Variants in LYPD4 observed in about 807,000 individuals in gnomAD.
The protein encoded by LYPD4 is ly6/PLAUR domain-containing protein 4.
Under a neutral mutation model 18.2 loss-of-function variants are expected in LYPD4, and 20 were observed. The observed-to-expected ratio is 1.10, with a 90% CI of 0.77 to 1.59. LYPD4 has a LOEUF of 1.59. Ranked by LOEUF, LYPD4 falls within the 40% of genes most tolerant of loss-of-function variation. The probability of loss-of-function intolerance (pLI) is 0.00; values close to 1 mark genes in which losing one functional copy is unlikely to be tolerated. For synonymous variants in LYPD4, 111 were observed against 118.3 expected, an observed-to-expected ratio of 0.94 and a Z score of 0.40; for missense variants, 278 against 300.3, an observed-to-expected ratio of 0.93 and a Z score of 0.55.
At chr19:41,838,567 T>A (rs1019058310) in intron 3 of LYPD4, among the ~76,000 whole-genome samples, 6 of 152,064 alleles carry the variant, frequency 3.9e-5, no homozygotes, top group Non-Finnish European at 7.4e-5. Flanking sequence ...AGTGGGGCCC[T>A]GCCCCTCTCC....
intron 1 of LYPD4, among the ~76,000 whole-genome samples, chr19:41,841,263 G>A (rs1460829913): frequency 2.6e-5 from 4 of 151,148 alleles, no homozygotes; most frequent in Admixed American, 6.6e-5. Context: ...GGCTTATGCC[G>A]GTAATTCCAG....
intron 1 of LYPD4, 47 bp from the exon 2 acceptor site, chr19:41,839,452 T>G (rs3922888): frequency 0.49 from 312,826 of 643,040 alleles, 79,705 homozygotes; most frequent in South Asian, 0.58. Context: ...ATAGGCTCCC[T>G]CAGACCTTCT....
intron 4 of LYPD4, 49 bp from the exon 5 acceptor site, chr19:41,837,394 CCCTG>C (rs1555830846): frequency 6.2e-7 from 1 of 1,605,330 alleles, no homozygotes; most frequent in Admixed American, 1.7e-5. Flanking sequence ...GACTCAAGAG[CCCTG>C]CCTTCAGCCA....
At chr19:41,838,775 A>C in intron 3 of LYPD4, 106 bp downstream of exon 3, 2 of 819,412 alleles carry the variant, frequency 2.4e-6, no homozygotes, top group Non-Finnish European at 3.7e-6. Context: ...ATATATATGT[A>C]TAGTAACTAT....
chr19:41,841,347 C>T (rs1219430446), intron 1 of LYPD4, among the ~76,000 whole-genome samples: 4 of 148,688 alleles, frequency 2.7e-5, no homozygotes, highest in Middle Eastern at 3.4e-3. Flanking sequence ...CTTGTCTATA[C>T]CAAAAAAAAA....
intron 1 of LYPD4, among the ~76,000 whole-genome samples, chr19:41,842,486 A>G (rs530403938): frequency 6.6e-6 from 1 of 151,416 alleles, no homozygotes; most frequent in Non-Finnish European, 1.5e-5. Context: ...GGCAGGGTAC[A>G]GTGGCTCACG....
At chr19:41,837,817 T>G (rs915209562) in intron 4 of LYPD4, 118 bp downstream of exon 4, 1 of 1,097,736 alleles carries the variant, frequency 9.1e-7, no homozygotes, top group Admixed American at 2.8e-5. Context: ...TCATGTGCCC[T>G]GTCCCTTGCA....
chr19:41,836,570 T>C (rs1489287531), downstream of LYPD4, among the ~76,000 whole-genome samples: 1 of 151,880 alleles, frequency 6.6e-6, no homozygotes, highest in African/African-American at 2.4e-5. Flanking sequence ...CTGGCACACA[T>C]AGTAGATACT....
At chr19:41,843,244 G>A (rs567166881) in intron 1 of LYPD4, among the ~76,000 whole-genome samples, 25 of 151,694 alleles carry the variant, frequency 1.6e-4, no homozygotes, top group Non-Finnish European at 2.8e-4. Context: ...ACTGACCTTG[G>A]CCTCAGAGAC....
intron 4 of LYPD4, 62 bp from the exon 5 acceptor site, chr19:41,837,407 C>T: frequency 6.3e-7 from 1 of 1,580,118 alleles, no homozygotes; most frequent in Non-Finnish European, 8.7e-7. Context: ...TGCCTTCAGC[C>T]AGGTGCAGTG....
chr19:41,840,244 C>T (rs938804328), intron 1 of LYPD4, among the ~76,000 whole-genome samples: 8 of 151,916 alleles, frequency 5.3e-5, no homozygotes, highest in East Asian at 1.9e-4. Context: ...CCAGGCATCA[C>T]GACAAAATGC....
chr19:41,836,951 T>C (rs1451200987), downstream of LYPD4: 8 of 1,095,708 alleles, frequency 7.3e-6, no homozygotes, highest in Non-Finnish European at 1.0e-5. Flanking sequence ...GCTCCCCCAG[T>C]TGCTGGGCAG....
At chr19:41,841,379 A>C (rs1464058821) in intron 1 of LYPD4, among the ~76,000 whole-genome samples, 3 of 151,298 alleles carry the variant, frequency 2.0e-5, no homozygotes, top group Non-Finnish European at 3.0e-5. Flanking sequence ...AAATTAGCCA[A>C]GCATGGGAGT....
At position 41,838,315 on chromosome 19, in the gene LYPD4, A is replaced by C. The variant is rs2073445316; in HGVS notation, c.212-54T>G. 4 of 1,422,156 alleles carry C rather than the reference A, an allele frequency of 2.8e-6. No homozygotes were observed. The East Asian group carries it at 1.0e-4, about 36-fold the overall frequency. 88.1% of individuals were successfully genotyped at this position (1,422,156 alleles called of 1,614,324 possible). A position where few individuals can be genotyped will look rare whatever the true frequency, so the allele number is the denominator to read the frequency against. On this transcript the variant is annotated intron_variant, in intron 3 of 4. Coordinates refer to ENST00000609812, the MANE Select transcript of LYPD4 (RefSeq NM_173506.7). Reference sequence around the variant, plus strand: ...GATCAGTGTCACTGGCCTCACCCAGAGTCCTCCCTCCCCCCAGCTCTTTCT... The same window carrying C: ...GATCAGTGTCACTGGCCTCACCCAGCGTCCTCCCTCCCCCCAGCTCTTTCT...
chr19:41,836,165 C>T (rs2073368809), downstream of LYPD4, among the ~76,000 whole-genome samples: 1 of 151,244 alleles, frequency 6.6e-6, no homozygotes, highest in Non-Finnish European at 1.5e-5. Flanking sequence ...TCTGCTGCCC[C>T]CTTATGGCCA....
In LYPD4 at chr19:41,839,041, C is replaced by G. The variant is rs782133471; in HGVS notation, c.68-17G>C. 5.0e-6 allele frequency: 8 copies of G among 1,612,802 alleles called. No individual in the cohort carries two copies. In the Admixed American group the frequency reaches 1.3e-4, roughly 27 times the overall value. ...CTCCAGCCCCTAAAAAGAGAATGCT[C>G]TCCCAGTCATTGGCCCCTCATATCA... On this transcript the variant is annotated splice_polypyrimidine_tract_variant and intron_variant, in intron 2 of 4. Coordinates refer to ENST00000609812, the MANE Select transcript of LYPD4 (RefSeq NM_173506.7).
intron 1 of LYPD4, among the ~76,000 whole-genome samples, chr19:41,840,509 C>G (rs1337322366): frequency 2.0e-5 from 3 of 152,110 alleles, no homozygotes; most frequent in African/African-American, 7.2e-5. Flanking sequence ...TTCCTGTGAG[C>G]CAACAATCAT....
chr19:41,838,312 C>T, intron 3 of LYPD4, 51 bp from the exon 4 acceptor site: 1 of 1,431,020 alleles, frequency 7.0e-7, no homozygotes, highest in Non-Finnish European at 9.2e-7. Flanking sequence ...TGGCCTCACC[C>T]AGAGTCCTCC....
intron 1 of LYPD4, among the ~76,000 whole-genome samples, chr19:41,842,559 A>G (rs907008977): frequency 6.6e-6 from 1 of 151,718 alleles, no homozygotes; most frequent in Admixed American, 6.6e-5. Context: ...GGAGTTCAAG[A>G]CCAAGCTGGT....
Sources: allele counts gnomAD v4.1 joint callset (sites outside exome capture counted in the v4.1 genomes callset), GRCh38; gene constraint gnomAD v4.1.1; transcripts MANE v1.5; gene names NCBI Gene and HGNC (gene_info 2026-07-23, HGNC 2026-07-21).